Variants in TANC2 observed in about 807,000 individuals in gnomAD.
The protein encoded by TANC2 is protein TANC2.
Under a neutral mutation model 210.5 loss-of-function variants are expected in TANC2, and 26 were observed. That is an observed-to-expected ratio of 0.12 (90% CI 0.09 to 0.17). The LOEUF (loss-of-function observed/expected upper bound fraction) is 0.17, where lower values mean the gene tolerates loss of function less well. Among genes scored for constraint, TANC2 ranks in the 10% least tolerant of loss-of-function variants. The pLI is 1.00. For synonymous variants in TANC2, 931 were observed against 967.1 expected (o/e 0.96, Z 0.69); for missense variants, 2,129 against 2,608.9 (o/e 0.82, Z 4.01).
chr17:63,382,755 A>T (rs1295987109), intron 15 of TANC2, among the ~76,000 whole-genome samples: 1 of 152,252 alleles, frequency 6.6e-6, no homozygotes, highest in Non-Finnish European at 1.5e-5. Context: ...AACACCCCTA[A>T]CATGTTCTTC....
intron 14 of TANC2, among the ~76,000 whole-genome samples, chr17:63,376,974 T>C (rs1294577344): frequency 2.6e-5 from 4 of 152,136 alleles, no homozygotes; most frequent in Admixed American, 6.5e-5. Context: ...CCCACCACCA[T>C]GCCCAGCTAA....
intron 9 of TANC2, among the ~76,000 whole-genome samples, chr17:63,281,289 T>C (rs964465483): frequency 6.6e-6 from 1 of 152,222 alleles, no homozygotes; most frequent in Admixed American, 6.5e-5. Flanking sequence ...ACTTGAAGTA[T>C]CAAAGGACAG....
At chr17:63,234,037 G>A (rs553580005) in intron 7 of TANC2, among the ~76,000 whole-genome samples, 3 of 152,284 alleles carry the variant, frequency 2.0e-5, no homozygotes, top group African/African-American at 7.2e-5. Flanking sequence ...ACTGGGAGTT[G>A]GGTAGGTATT....
chr17:63,137,425 A>G (rs1048791410), intron 4 of TANC2, among the ~76,000 whole-genome samples: 9 of 152,174 alleles, frequency 5.9e-5, no homozygotes, highest in Non-Finnish European at 1.3e-4. Flanking sequence ...TTCTTTTCAA[A>G]TGTGTTTCCC....
At chr17:63,342,222 AATTATT>A (rs972772027) in intron 12 of TANC2, among the ~76,000 whole-genome samples, 2 of 151,750 alleles carry the variant, frequency 1.3e-5, no homozygotes, top group African/African-American at 2.4e-5. Context: ...AAGAATTTAA[AATTATT>A]ATTATTAATA....
chr17:62,981,771 T>C lies in TANC2; in HGVS notation c.-24+15022T>C, dbSNP rs2032313323. ...AAATTTAGGGATTCTTGCTACTCCCTCACGTTTGATAATTCATTAGAACAA... is the reference window on the plus strand; with the variant it reads ...AAATTTAGGGATTCTTGCTACTCCCCCACGTTTGATAATTCATTAGAACAA... On this transcript the variant is annotated intron_variant, in intron 1 of 27. Transcript: ENST00000689528. Among the ~76,000 whole-genome samples the C allele has an allele frequency of 4.6e-5, 7 of 152,300 alleles. No homozygotes were observed. The South Asian group carries it at 1.5e-3, about 32-fold the overall frequency.
chr17:63,010,055 T>C (rs937058191), intron 2 of TANC2, among the ~76,000 whole-genome samples: 1 of 152,176 alleles, frequency 6.6e-6, no homozygotes, highest in Admixed American at 6.6e-5. Context: ...AAATAAAGTT[T>C]ATGGGTTTTC....
chr17:63,201,133 G>A (rs1293176785), intron 7 of TANC2, among the ~76,000 whole-genome samples, 176 bp downstream of exon 7: 2 of 151,950 alleles, frequency 1.3e-5, no homozygotes, highest in African/African-American at 2.4e-5. Context: ...AAAATGAAAG[G>A]TATTCCTCCC....
chr17:63,195,640 C>A (rs755352958), intron 6 of TANC2, among the ~76,000 whole-genome samples: 24 of 152,128 alleles, frequency 1.6e-4, no homozygotes, highest in Non-Finnish European at 3.1e-4. Flanking sequence ...TTACTAGGTG[C>A]ACAGTAGGTA....
At chr17:63,281,654 T>C (rs559726043) in intron 9 of TANC2, among the ~76,000 whole-genome samples, 48 of 152,168 alleles carry the variant, frequency 3.2e-4, no homozygotes, top group South Asian at 2.1e-3. Flanking sequence ...GAATAATGTA[T>C]CCCAAAAATT....
rs191313868 is a variant in TANC2 at position 63,133,353 on chromosome 17, C to T, written c.323-17917C>T. ...AACTCCTGATCTTGTGATCCACCCG[C>T]CTCTGCCTCCCACAGTGCTGGGATT... On this transcript the variant is annotated intron_variant, in intron 4 of 27. Coordinates refer to ENST00000689528, the Ensembl canonical transcript of TANC2. 8.4e-4 allele frequency among the ~76,000 whole-genome samples: 128 copies of T among 152,350 alleles called. 1 individual carries two copies. Among genetic ancestry groups the T allele is most frequent in the African/African-American group, 2.5e-3 (105 of 41,590 alleles).
At chr17:63,018,353 C>T (rs1229613254) in intron 2 of TANC2, among the ~76,000 whole-genome samples, 25 of 151,412 alleles carry the variant, frequency 1.7e-4, no homozygotes, top group Admixed American at 1.3e-3. Flanking sequence ...AGCTGGCACA[C>T]GCCTGTAATC....
At position 63,420,956 on chromosome 17, in the gene TANC2, G is replaced by C; in HGVS notation, c.5226G>C (p.Leu1742Phe). 1.2e-6 allele frequency: 2 copies of C among 1,613,998 alleles called. No individual in the cohort carries two copies. Among genetic ancestry groups the C allele is most frequent in the Non-Finnish European group, 1.7e-6 (2 of 1,179,896 alleles). Residue 1742 changes from leucine (L) to phenylalanine (F), a missense_variant, in exon 28 of 28, where the codon TTG (leucine) becomes TTC (phenylalanine). Coordinates refer to ENST00000689528, the Ensembl canonical transcript of TANC2. This position sits in a 1 kb window ranked among gnomAD's most constrained non-coding sequence, Gnocchi z 4.2. Reference sequence around the variant, plus strand: ...ACATAGGAGTCAGCCAGAGCCGGTTGGTTTATCAAGGGTCAATTGGGGGAA... The same window carrying C: ...ACATAGGAGTCAGCCAGAGCCGGTTCGTTTATCAAGGGTCAATTGGGGGAA...
chr17:63,043,469 T>A (rs2035267688), intron 2 of TANC2, among the ~76,000 whole-genome samples: 1 of 152,126 alleles, frequency 6.6e-6, no homozygotes, highest in Non-Finnish European at 1.5e-5. Context: ...ATTCTATCAT[T>A]TTACTCATTT....
At chr17:63,189,703 T>G (rs1335679979) in intron 5 of TANC2, among the ~76,000 whole-genome samples, 1 of 152,196 alleles carries the variant, frequency 6.6e-6, no homozygotes, top group African/African-American at 2.4e-5. Context: ...ATTTAGTGGG[T>G]TGTCTTTTCA....
intron 12 of TANC2, among the ~76,000 whole-genome samples, chr17:63,343,312 CA>C (rs1394543689): frequency 6.6e-6 from 1 of 152,082 alleles, no homozygotes; most frequent in African/African-American, 2.4e-5. Flanking sequence ...TAATCTCAGA[CA>C]GAGTAGACTT....
rs546187200 is a variant in TANC2, at chr17:63,246,293, A to T, written c.1033+8216A>T. 1.1e-4 allele frequency among the ~76,000 whole-genome samples: 16 copies of T among 148,218 alleles called. 1 individual carries two copies. Among genetic ancestry groups the T allele is most frequent in the East Asian group, 3.9e-4 (2 of 5,116 alleles). On this transcript the variant is annotated intron_variant, in intron 8 of 27. Transcript: ENST00000689528. Reference sequence around the variant, plus strand: ...AGCAGCAGTCTGTGTGTGGATTTTTAAAAAAATTTTTTTAAAAACAAGTAT... The same window carrying T: ...AGCAGCAGTCTGTGTGTGGATTTTTTAAAAAATTTTTTTAAAAACAAGTAT...
chr17:63,200,850 G>A (rs774620189), exon 7 of TANC2: 1 of 1,613,808 alleles, frequency 6.2e-7, no homozygotes, highest in Non-Finnish European at 8.5e-7. Flanking sequence ...AGTAGCCCCT[G>A]CTCTACACTC....
intron 1 of TANC2, among the ~76,000 whole-genome samples, chr17:63,001,027 G>T (rs1176111135): frequency 1.4e-5 from 2 of 145,984 alleles, no homozygotes; most frequent in East Asian, 2.0e-4. Context: ...TATAATTTAT[G>T]CCACCCACCA....
Sources: gnomAD v4.1 joint callset for allele counts (sites outside exome capture counted in the v4.1 genomes callset) on GRCh38, gnomAD v4.1.1 for gene constraint, Gnocchi (gnomAD v3.1) non-coding constraint, MANE v1.5 for transcripts, NCBI Gene and HGNC (gene_info 2026-07-23, HGNC 2026-07-21) for gene names.